NLRP1: variants seen among roughly 807,000 people sequenced by gnomAD.
NLRP1 encodes the protein NLR family pyrin domain containing 1, also known as NACHT, LRR and PYD domains-containing protein 1.
Under a neutral mutation model 136.7 loss-of-function variants are expected in NLRP1, and 94 were observed. That is an observed-to-expected ratio of 0.69 (90% CI 0.58 to 0.82). The LOEUF (loss-of-function observed/expected upper bound fraction) is 0.82, where lower values mean the gene tolerates loss of function less well. Ranked by LOEUF, NLRP1 falls within the 40% of genes least tolerant of loss-of-function variation. The probability of loss-of-function intolerance (pLI) is 0.00; values close to 1 mark genes in which losing one functional copy is unlikely to be tolerated. For synonymous variants in NLRP1, 690 were observed against 725.1 expected, an observed-to-expected ratio of 0.95 and a Z score of 0.78; for missense variants, 1,575 against 1,802.7, an observed-to-expected ratio of 0.87 and a Z score of 2.29.
At chr17:5,563,120 CA>C (rs1473712413) in intron 3 of NLRP1, among the ~76,000 whole-genome samples, 1 of 152,156 alleles carries the variant, frequency 6.6e-6, no homozygotes, top group Non-Finnish European at 1.5e-5. Context: ...AAAAAAACCC[CA>C]TCCAAAGGAA....
At position 5,560,256 on chromosome 17, in the gene NLRP1, C is replaced by G. The variant is rs879384435; in HGVS notation, c.653-213G>C. ...CAACTAAGTCACACTCCCTGAATGA[C>G]TTTCCTTCACTGAATATTTATCAAG... On this transcript the variant is annotated intron_variant, in intron 3 of 16. Transcript: ENST00000572272. 2.7e-3 allele frequency among the ~76,000 whole-genome samples: 415 copies of G among 152,344 alleles called. 4 individuals carry two copies. Among genetic ancestry groups the G allele is most frequent in the Middle Eastern group, 6.8e-3 (2 of 294 alleles).
At chr17:5,546,786 A>G (rs1375718720) in intron 5 of NLRP1, among the ~76,000 whole-genome samples, 1 of 152,258 alleles carries the variant, frequency 6.6e-6, no homozygotes, top group East Asian at 1.9e-4. Flanking sequence ...AAATAAAAAA[A>G]GAGAAATACA....
intron 8 of NLRP1, 86 bp from the exon 9 acceptor site, chr17:5,534,074 T>G (rs759703622): frequency 2.0e-5 from 19 of 955,650 alleles, no homozygotes; most frequent in Non-Finnish European, 2.8e-5. Flanking sequence ...ATTCAACTCC[T>G]CCTCGGGTCG....
intron 12 of NLRP1, among the ~76,000 whole-genome samples, chr17:5,526,525 G>A (rs763309872): frequency 1.9e-4 from 29 of 152,164 alleles, no homozygotes; most frequent in Non-Finnish European, 3.1e-4. Flanking sequence ...AGCACAGAGA[G>A]GAGCAAGTGT....
intron 5 of NLRP1, among the ~76,000 whole-genome samples, chr17:5,545,579 T>C (rs17765862): frequency 0.015 from 2,262 of 152,124 alleles, 28 homozygotes; most frequent in Non-Finnish European, 0.024. Context: ...CGACTCAGTA[T>C]GTGGCATTGT....
rs1268713181 is a variant in NLRP1, at chr17:5,559,103, C to A, written c.1593G>T (p.Met531Ile). ...WVSWLACTCL[M>I]QQMKRKEKLT... ...GTTTTTCCTTCCGCTTCATCTGCTG[C>A]ATCAGGCAAGTGCAGGCCAGCCAGG... Residue 531 changes from methionine (M) to isoleucine (I), a missense_variant, in exon 4 of 17, where the codon ATG (methionine) becomes ATT (isoleucine). By Grantham distance (10) the Met-to-Ile change is conservative (BLOSUM62 1). Coordinates refer to ENST00000572272, the MANE Select transcript of NLRP1 (RefSeq NM_033004.4). The A allele has an allele frequency of 6.2e-7, 1 of 1,614,206 alleles. No homozygotes were observed. Among genetic ancestry groups the A allele is most frequent in the South Asian group, 1.1e-5 (1 of 91,084 alleles).
At chr17:5,521,949 C>T (rs1373799007) in intron 12 of NLRP1, among the ~76,000 whole-genome samples, 163 bp from the exon 13 acceptor site, 7 of 152,174 alleles carry the variant, frequency 4.6e-5, no homozygotes, top group Admixed American at 2.6e-4. Flanking sequence ...CTCAGCCTCC[C>T]GAGTAGCTGG....
intron 11 of NLRP1, among the ~76,000 whole-genome samples, chr17:5,531,305 T>C (rs61388575): frequency 0.057 from 8,634 of 152,144 alleles, 285 homozygotes; most frequent in Middle Eastern, 0.099. Context: ...AGCCTCGAAA[T>C]CCCTGGCTTA....
At chr17:5,535,233 A>G (rs1910891449) in intron 8 of NLRP1, among the ~76,000 whole-genome samples, 1 of 151,128 alleles carries the variant, frequency 6.6e-6, no homozygotes, top group Non-Finnish European at 1.5e-5. Context: ...AAAAAAAAAG[A>G]CACAGATTCC....
At chr17:5,511,593 A>G (rs953951648), downstream of NLRP1, among the ~76,000 whole-genome samples, 4 of 151,912 alleles carry the variant, frequency 2.6e-5, no homozygotes, top group African/African-American at 7.3e-5. Context: ...TTAGGAATAC[A>G]TTTCCTAGGC....
In NLRP1 at chr17:5,504,137, T is replaced by TAGCAGC. The variant is rs146109783; in HGVS notation, c.4070-2271_4070-2266dup. 0.16 allele frequency: 24,759 copies of TAGCAGC among 156,516 alleles called. 3,410 individuals are homozygous for TAGCAGC. The highest frequency in any genetic ancestry group is 0.62 in the East Asian group (3,337 of 5,424). The allele number at this position is 156,516 out of a possible 1,614,324, so 9.7% of individuals were successfully genotyped here. On this transcript the variant is annotated intron_variant, in intron 15 of 15. Coordinates refer to the NLRP1 transcript ENST00000262467. This position sits in a 1 kb window ranked among gnomAD's most constrained non-coding sequence, Gnocchi z 4.4. ...GGAATCCTAGGACACACATGGATGA[T>TAGCAGC]AGCAGCAGCAGCAGCAGCAGCCAAT...
chr17:5,508,466 A>G (rs1444734758), intron 15 of NLRP1, among the ~76,000 whole-genome samples: 1 of 149,730 alleles, frequency 6.7e-6, no homozygotes, highest in Non-Finnish European at 1.5e-5. Flanking sequence ...AAGCTATTGC[A>G]AAATATAGAA....
At chr17:5,511,716 G>A (rs550565039), downstream of NLRP1, among the ~76,000 whole-genome samples, 5 of 142,778 alleles carry the variant, frequency 3.5e-5, no homozygotes, top group Admixed American at 7.0e-5. Flanking sequence ...CCCTCCTCGC[G>A]TAGGTCCTTC....
chr17:5,538,872 A>G (rs1486092084), intron 7 of NLRP1, among the ~76,000 whole-genome samples: 6 of 150,432 alleles, frequency 4.0e-5, no homozygotes, highest in Non-Finnish European at 8.9e-5. Context: ...TTTTTATTTT[A>G]TTTGTTTAAT....
intron 6 of NLRP1, among the ~76,000 whole-genome samples, chr17:5,540,770 C>T (rs1911771159): frequency 6.6e-6 from 1 of 152,188 alleles, no homozygotes; most frequent in Non-Finnish European, 1.5e-5. Context: ...CCCATGCCCC[C>T]TTCCCATCAA....
chr17:5,566,384 T>C (rs1915337521), intron 3 of NLRP1, among the ~76,000 whole-genome samples: 1 of 152,072 alleles, frequency 6.6e-6, no homozygotes, highest in Admixed American at 6.5e-5. Context: ...AAGAAATTTT[T>C]CTTTCTTTAT....
downstream of NLRP1, among the ~76,000 whole-genome samples, chr17:5,509,775 G>A (rs1907529805): frequency 6.6e-6 from 1 of 152,164 alleles, no homozygotes; most frequent in African/African-American, 2.4e-5. Flanking sequence ...AAAGTGTTGA[G>A]ATTACAGGCG....
intron 4 of NLRP1, 21 bp from the exon 5 acceptor site, chr17:5,553,577 C>G (rs774443151): frequency 1.2e-6 from 2 of 1,608,012 alleles, no homozygotes; most frequent in Non-Finnish European, 1.7e-6. Flanking sequence ...GAGAGAAGGA[C>G]AGGAGAGATG....
At chr17:5,548,833 C>G (rs1184479426) in intron 5 of NLRP1, among the ~76,000 whole-genome samples, 1 of 152,170 alleles carries the variant, frequency 6.6e-6, no homozygotes, top group Non-Finnish European at 1.5e-5. Flanking sequence ...CTCCTGGTGT[C>G]CCTTTCATCT....
Sources: allele counts gnomAD v4.1 joint callset (sites outside exome capture counted in the v4.1 genomes callset), GRCh38; gene constraint gnomAD v4.1.1; non-coding constraint Gnocchi (gnomAD v3.1); transcripts MANE v1.5; gene names NCBI Gene and HGNC (gene_info 2026-07-23, HGNC 2026-07-21).